The following CWC27 variants were observed in gnomAD, a reference collection of about 807,000 sequenced individuals.
CWC27 encodes spliceosome-associated protein CWC27 homolog.
Under a neutral mutation model 63.6 loss-of-function variants are expected in CWC27, and 47 were observed. The ratio of observed to expected loss-of-function variants is 0.74; its 90% CI spans 0.58 to 0.94. The LOEUF (loss-of-function observed/expected upper bound fraction) is 0.94, where lower values mean the gene tolerates loss of function less well. Ranked by LOEUF, CWC27 falls within the 40% of genes least tolerant of loss-of-function variation. The pLI is 0.00. For missense variants in CWC27, 495 were observed against 554.3 expected, an observed-to-expected ratio of 0.89 and a Z score of 1.07; for synonymous variants, 175 against 179.8, an observed-to-expected ratio of 0.97 and a Z score of 0.22.
At chr5:64,881,334 T>C (rs1457830107) in intron 10 of CWC27, among the ~76,000 whole-genome samples, 1 of 152,146 alleles carries the variant, frequency 6.6e-6, no homozygotes, top group Non-Finnish European at 1.5e-5. Flanking sequence ...TACATTAATA[T>C]AGTGTGTCTA....
intron 10 of CWC27, chr5:64,808,148 G>A (rs1744754669): frequency 1.9e-6 from 2 of 1,051,158 alleles, no homozygotes; most frequent in Non-Finnish European, 2.3e-6. Context: ...GAAATACCGA[G>A]TCTCAGGCCC....
chr5:64,903,724 G>T (rs1747561716), intron 11 of CWC27, among the ~76,000 whole-genome samples: 1 of 152,070 alleles, frequency 6.6e-6, no homozygotes, highest in African/African-American at 2.4e-5. Context: ...GAAATTGATA[G>T]ACTTTTAGAG....
chr5:64,808,010 T>C (rs1744749231), intron 10 of CWC27: 2 of 1,378,998 alleles, frequency 1.5e-6, no homozygotes, highest in East Asian at 5.6e-5. Flanking sequence ...TTTCCATTTT[T>C]TTTTCTTGGT....
chr5:64,851,548 A>G (rs1746133926), intron 10 of CWC27, among the ~76,000 whole-genome samples: 1 of 152,206 alleles, frequency 6.6e-6, no homozygotes, highest in African/African-American at 2.4e-5. Flanking sequence ...ATGAGTATCT[A>G]ATGTTCTCAC....
intron 13 of CWC27, among the ~76,000 whole-genome samples, chr5:65,012,970 T>C (rs1190201897): frequency 6.6e-6 from 1 of 152,216 alleles, no homozygotes; most frequent in Non-Finnish European, 1.5e-5. Context: ...GCACTGATAG[T>C]TTTTAAAGCT....
At chr5:64,929,323 G>A (rs1467317282) in intron 11 of CWC27, among the ~76,000 whole-genome samples, 1 of 152,086 alleles carries the variant, frequency 6.6e-6, no homozygotes, top group African/African-American at 2.4e-5. Flanking sequence ...TTGAAGAAAT[G>A]ACTGATTCCC....
At chr5:64,959,847 T>G (rs1461641318) in intron 11 of CWC27, among the ~76,000 whole-genome samples, 1 of 152,224 alleles carries the variant, frequency 6.6e-6, no homozygotes, top group Non-Finnish European at 1.5e-5. Context: ...ACATACTATA[T>G]GCAAGGCATA....
chr5:64,999,364 C>CTTAAAATA lies in CWC27; in HGVS notation c.1257-18793_1257-18792insAAAATATT, dbSNP rs1398930675. On this transcript the variant is annotated intron_variant, in intron 13 of 13. Coordinates refer to ENST00000381070, the MANE Select transcript of CWC27 (RefSeq NM_005869.4). Reference sequence around the variant, plus strand: ...CCTTTATGTTGGGAACTTTTGAACTCTTCTAGCTATTTTAAAATATACAAT... The same window carrying CTTAAAATA: ...CCTTTATGTTGGGAACTTTTGAACTCTTAAAATATTCTAGCTATTTTAAAATATACAAT... Among the ~76,000 whole-genome samples, 13 of 152,166 alleles carry CTTAAAATA rather than the reference C, an allele frequency of 8.5e-5. 1 individual carries two copies. The highest frequency in any genetic ancestry group is 6.8e-3 in the Middle Eastern group (2 of 294).
intron 13 of CWC27, among the ~76,000 whole-genome samples, chr5:64,987,834 A>G (rs1457710645): frequency 3.3e-5 from 5 of 152,156 alleles, no homozygotes; most frequent in African/African-American, 1.2e-4. Flanking sequence ...CTTATAAATA[A>G]TGCATTATTT....
intron 10 of CWC27, among the ~76,000 whole-genome samples, chr5:64,867,241 T>C (rs1489016428): frequency 6.6e-6 from 1 of 152,070 alleles, no homozygotes; most frequent in Non-Finnish European, 1.5e-5. Context: ...TAACCCATAT[T>C]CTGGTTGCAA....
chr5:64,982,520 A>G (rs911947718), intron 13 of CWC27, among the ~76,000 whole-genome samples: 1 of 151,208 alleles, frequency 6.6e-6, no homozygotes, highest in Non-Finnish European at 1.5e-5. Flanking sequence ...GCATCTCACT[A>G]TGTTGCCCAG....
intron 13 of CWC27, among the ~76,000 whole-genome samples, chr5:64,979,754 G>A (rs1749300219): frequency 6.6e-6 from 1 of 152,162 alleles, no homozygotes; most frequent in Admixed American, 6.5e-5. Flanking sequence ...GAGGTAAAAT[G>A]ATTGCTTCTA....
intron 11 of CWC27, among the ~76,000 whole-genome samples, chr5:64,923,438 TCTCAGCA>T (rs149473641): frequency 0.035 from 5,336 of 150,856 alleles, 335 homozygotes; most frequent in African/African-American, 0.12. Context: ...TTGAGATGCA[TCTCAGCA>T]CTCAGCAACC....
At chr5:65,009,242 A>G (rs1250771346) in intron 13 of CWC27, among the ~76,000 whole-genome samples, 1 of 152,138 alleles carries the variant, frequency 6.6e-6, no homozygotes, top group African/African-American at 2.4e-5. Flanking sequence ...GTGAGAGCTC[A>G]TTCATTACCA....
rs374723606 is a variant in CWC27 at position 64,786,385 on chromosome 5, A to G, written c.496-139A>G. Reference sequence around the variant, plus strand: ...CCGTGTAAGTGGAAGCATGTTGTGTAGTAAATATATATCACTATACTAATA... The same window carrying G: ...CCGTGTAAGTGGAAGCATGTTGTGTGGTAAATATATATCACTATACTAATA... On this transcript the variant is annotated intron_variant, in intron 5 of 13. Transcript: ENST00000381070. 2.4e-4 allele frequency: 112 copies of G among 458,496 alleles called. 1 individual carries two copies. The highest frequency in any genetic ancestry group is 2.1e-3 in the African/African-American group (101 of 48,908). 28.4% of individuals were successfully genotyped at this position (458,496 alleles called of 1,614,324 possible).
At chr5:64,932,012 A>G (rs1748246652) in intron 11 of CWC27, among the ~76,000 whole-genome samples, 1 of 152,146 alleles carries the variant, frequency 6.6e-6, no homozygotes, top group African/African-American at 2.4e-5. Flanking sequence ...TCTTTAGGGT[A>G]CGTCTTTAAC....
At chr5:64,950,997 A>C (rs764739239) in intron 11 of CWC27, among the ~76,000 whole-genome samples, 25 of 152,096 alleles carry the variant, frequency 1.6e-4, no homozygotes, top group Admixed American at 1.5e-3. Flanking sequence ...TGTATACCAT[A>C]ATATGTTTAT....
intron 13 of CWC27, among the ~76,000 whole-genome samples, chr5:65,000,637 C>T (rs1039059253): frequency 6.6e-6 from 1 of 151,192 alleles, no homozygotes; most frequent in Non-Finnish European, 1.5e-5. Context: ...GTTGGCTGTA[C>T]ATATGTGCAT....
chr5:64,993,665 C>CT lies in CWC27; in HGVS notation c.1256+16438dup, dbSNP rs1303074166. ...GACTCTCTCCAGAATCTTTTTATTT[C>CT]TTTTTTTTTTTAAGCTGACAAGAGC... is the stretch of plus-strand genomic sequence containing the variant. On this transcript the variant is annotated intron_variant, in intron 13 of 13. Transcript: ENST00000381070. 7.2e-3 allele frequency among the ~76,000 whole-genome samples: 1,047 copies of CT among 144,880 alleles called. 6 individuals carry two copies. Among genetic ancestry groups the CT allele is most frequent in the Non-Finnish European group, 9.1e-3 (597 of 65,466 alleles).
Sources: gnomAD v4.1 joint callset for allele counts (sites outside exome capture counted in the v4.1 genomes callset) on GRCh38, gnomAD v4.1.1 for gene constraint, MANE v1.5 for transcripts, NCBI Gene and HGNC (gene_info 2026-07-23, HGNC 2026-07-21) for gene names.